Variants in LOC400499 observed in about 807,000 individuals in gnomAD.
chr16:11,383,592 G>A, the LOC400499 span: 1 of 1,231,820 alleles, frequency 8.1e-7, no homozygotes, highest in Non-Finnish European at 1.0e-6. Flanking sequence ...CTCTGGCCTG[G>A]AAGGCAGATG....
chr16:11,443,894 C>G, the LOC400499 span, among the ~76,000 whole-genome samples: 28 of 151,492 alleles, frequency 1.8e-4, no homozygotes, highest in African/African-American at 6.8e-4. Context: ...GAGTGCAGTG[C>G]TGGGATCTCG....
the LOC400499 span, among the ~76,000 whole-genome samples, chr16:11,419,247 C>CA: frequency 6.6e-6 from 1 of 151,960 alleles, no homozygotes; most frequent in Non-Finnish European, 1.5e-5. Context: ...GGTACCAAAA[C>CA]AGAGATATAG....
the LOC400499 span, among the ~76,000 whole-genome samples, chr16:11,459,077 A>T: frequency 4.9e-4 from 75 of 151,942 alleles, 1 homozygote; most frequent in East Asian, 6.6e-3. Flanking sequence ...AATAAATAAA[A>T]AACAGTAAAT....
chr16:11,419,145 G>A, the LOC400499 span, among the ~76,000 whole-genome samples: 8 of 151,926 alleles, frequency 5.3e-5, no homozygotes, highest in Non-Finnish European at 1.0e-4. Context: ...CAGCCTGGGT[G>A]AAAGGGCAAA....
the LOC400499 span, chr16:11,449,165 G>GGAT: frequency 7.6e-7 from 1 of 1,313,942 alleles, no homozygotes; most frequent in Non-Finnish European, 1.0e-6. Context: ...CCTCCACCTG[G>GGAT]GATACCCTTT....
At chr16:11,447,557 G>A in the LOC400499 span, among the ~76,000 whole-genome samples, 4 of 152,146 alleles carry the variant, frequency 2.6e-5, no homozygotes, top group South Asian at 2.1e-4. Flanking sequence ...ACTTATCTAA[G>A]GCCATACAGC....
chr16:11,383,666 G>T, the LOC400499 span: 1 of 1,232,308 alleles, frequency 8.1e-7, no homozygotes. Flanking sequence ...GGGGCCAGGG[G>T]TACGAATCCA....
the LOC400499 span, among the ~76,000 whole-genome samples, chr16:11,490,871 TG>T: frequency 6.6e-6 from 1 of 152,170 alleles, no homozygotes; most frequent in African/African-American, 2.4e-5. Context: ...AGGAAAATAC[TG>T]GGGGGAAGAG....
chr16:11,503,220 C>G, the LOC400499 span, among the ~76,000 whole-genome samples: 102 of 151,500 alleles, frequency 6.7e-4, no homozygotes, highest in Admixed American at 2.3e-3. Flanking sequence ...CACCCTTTTC[C>G]AATATTCCTA....
the LOC400499 span, chr16:11,385,221 G>C: frequency 1.6e-6 from 2 of 1,232,198 alleles, no homozygotes; most frequent in African/African-American, 3.1e-5. Flanking sequence ...CTGCAGACTG[G>C]GGTAGAGGAT....
chr16:11,433,262 A>G, the LOC400499 span, among the ~76,000 whole-genome samples: 2 of 152,206 alleles, frequency 1.3e-5, no homozygotes, highest in Non-Finnish European at 2.9e-5. Context: ...AATCCTTTTC[A>G]GACTGGGGAT....
chr16:11,497,949 G>A, the LOC400499 span, among the ~76,000 whole-genome samples: 1 of 152,098 alleles, frequency 6.6e-6, no homozygotes, highest in Non-Finnish European at 1.5e-5. Context: ...CATTTTTAAA[G>A]ATGGAAAAAT....
chr16:11,514,976 G>A, the LOC400499 span, among the ~76,000 whole-genome samples: 1 of 152,240 alleles, frequency 6.6e-6, no homozygotes. Context: ...GCCTCTTCAG[G>A]GAGCTAGAGA....
chr16:11,462,410 C>T, the LOC400499 span: 15 of 1,329,300 alleles, frequency 1.1e-5, no homozygotes, highest in Non-Finnish European at 1.2e-5. Flanking sequence ...CGCTAACAAC[C>T]TTCTACACCG....
the LOC400499 span, among the ~76,000 whole-genome samples, chr16:11,452,629 T>C: frequency 0.36 from 54,425 of 152,206 alleles, 11,305 homozygotes; most frequent in Non-Finnish European, 0.48. Flanking sequence ...TGAAAACATG[T>C]TGTCCTTCCA....
chr16:11,520,395 G>A, the LOC400499 span, among the ~76,000 whole-genome samples: 11 of 152,236 alleles, frequency 7.2e-5, no homozygotes, highest in South Asian at 4.2e-4. Context: ...AGTGGCTCAC[G>A]CCTGTAATCC....
chr16:11,431,372 A>G, the LOC400499 span: 2 of 397,466 alleles, frequency 5.0e-6, no homozygotes, highest in African/African-American at 2.1e-5. Flanking sequence ...CCTTCTGCAA[A>G]GTGGGAATAA....
chr16:11,454,878 G>A, the LOC400499 span, among the ~76,000 whole-genome samples: 2 of 152,200 alleles, frequency 1.3e-5, no homozygotes, highest in Non-Finnish European at 2.9e-5. Flanking sequence ...GAAGTAAAAG[G>A]AATTCCCAGG....
the LOC400499 span, among the ~76,000 whole-genome samples, chr16:11,513,672 C>T: frequency 6.6e-6 from 1 of 152,046 alleles, no homozygotes; most frequent in African/African-American, 2.4e-5. Flanking sequence ...CTCAAGTTAT[C>T]CGCCTACCTC....
Sources: allele counts gnomAD v4.1 joint callset (sites outside exome capture counted in the v4.1 genomes callset), GRCh38; gene constraint gnomAD v4.1.1; transcripts MANE v1.5.